Variants in SORBS2 observed in about 807,000 individuals in gnomAD.
The protein encoded by SORBS2 is sorbin and SH3 domain containing 2.
Under a neutral mutation model 97.7 loss-of-function variants are expected in SORBS2, and 46 were observed. That is an observed-to-expected ratio of 0.47 (90% CI 0.37 to 0.60). SORBS2 has a LOEUF of 0.60. SORBS2 is among the 20% of genes least tolerant of loss of function. SORBS2 has a pLI of 0.00. For synonymous variants in SORBS2, 476 were observed against 473.4 expected, an observed-to-expected ratio of 1.01 and a Z score of -0.07; for missense variants, 1,316 against 1,282.3, an observed-to-expected ratio of 1.03 and a Z score of -0.40.
chr4:185,759,024 G>C (rs2098847426), intron 2 of SORBS2, among the ~76,000 whole-genome samples: 1 of 152,170 alleles, frequency 6.6e-6, no homozygotes, highest in South Asian at 2.1e-4. Flanking sequence ...AAGCTCTGTG[G>C]GGGCAGGGAT....
chr4:185,841,070 A>T (rs1276203680), intron 1 of SORBS2, among the ~76,000 whole-genome samples: 1 of 152,238 alleles, frequency 6.6e-6, no homozygotes, highest in African/African-American at 2.4e-5. Flanking sequence ...GAAGCAAAGC[A>T]AAGAGGTCAA....
At chr4:185,942,501 C>T (rs2099272554) in intron 1 of SORBS2, among the ~76,000 whole-genome samples, 4 of 152,022 alleles carry the variant, frequency 2.6e-5, no homozygotes, top group Admixed American at 2.0e-4. Flanking sequence ...CAGGTGCCCA[C>T]CACCATGCCC....
intron 13 of SORBS2, among the ~76,000 whole-genome samples, chr4:185,592,399 G>A (rs1580437602): frequency 6.6e-6 from 1 of 152,116 alleles, no homozygotes; most frequent in East Asian, 1.9e-4. Context: ...CACTTTGAAA[G>A]CTGTTTAATA....
At chr4:185,946,391 A>G (rs999301367) in intron 1 of SORBS2, among the ~76,000 whole-genome samples, 3 of 152,312 alleles carry the variant, frequency 2.0e-5, no homozygotes, top group African/African-American at 7.2e-5. Flanking sequence ...AGAAACAGGG[A>G]TGGGTTGGAA....
At chr4:185,877,176 G>A (rs917225624) in intron 1 of SORBS2, among the ~76,000 whole-genome samples, 6 of 151,988 alleles carry the variant, frequency 3.9e-5, no homozygotes, top group Admixed American at 1.3e-4. Flanking sequence ...TAATAATGTC[G>A]TATATTAATA....
chr4:185,880,132 T>C (rs1277152636), intron 1 of SORBS2, among the ~76,000 whole-genome samples: 2 of 152,234 alleles, frequency 1.3e-5, no homozygotes, highest in Non-Finnish European at 1.5e-5. Context: ...CTCCCAGGGC[T>C]TTCCCCTGTG....
chr4:185,783,565 C>CA (rs1285839964), intron 1 of SORBS2, among the ~76,000 whole-genome samples: 2 of 152,030 alleles, frequency 1.3e-5, no homozygotes, highest in Non-Finnish European at 2.9e-5. Flanking sequence ...ATCCATTAAA[C>CA]AAAAAGGTAT....
At chr4:185,855,389 T>G (rs1466310528) in intron 1 of SORBS2, among the ~76,000 whole-genome samples, 1 of 152,160 alleles carries the variant, frequency 6.6e-6, no homozygotes, top group Non-Finnish European at 1.5e-5. Context: ...GTATCAATGT[T>G]TATGAGTGTA....
chr4:185,920,067 T>A (rs1184761385), intron 1 of SORBS2, among the ~76,000 whole-genome samples: 2 of 152,236 alleles, frequency 1.3e-5, no homozygotes, highest in Non-Finnish European at 2.9e-5. Context: ...GACAAAAAAA[T>A]TATTCTAAGA....
intron 1 of SORBS2, among the ~76,000 whole-genome samples, chr4:185,947,056 G>A (rs1170129259): frequency 2.6e-5 from 4 of 152,142 alleles, no homozygotes; most frequent in African/African-American, 7.2e-5. Flanking sequence ...GGTAAAATCG[G>A]ATCAAGGAAA....
chr4:185,904,773 G>A (rs1019577255), intron 1 of SORBS2, among the ~76,000 whole-genome samples: 7 of 152,148 alleles, frequency 4.6e-5, no homozygotes, highest in South Asian at 2.1e-4. Context: ...GACATCAAAC[G>A]AGACTGAACC....
At chr4:185,868,552 C>T (rs994166322) in intron 1 of SORBS2, among the ~76,000 whole-genome samples, 10 of 152,078 alleles carry the variant, frequency 6.6e-5, no homozygotes, top group African/African-American at 1.9e-4. Flanking sequence ...AAAACGAAGA[C>T]GACACAGACA....
intron 4 of SORBS2, among the ~76,000 whole-genome samples, chr4:185,636,553 A>T (rs994196094): frequency 6.6e-6 from 1 of 152,246 alleles, no homozygotes; most frequent in Non-Finnish European, 1.5e-5. Flanking sequence ...TCTAAAACGC[A>T]TAAAAACGTG....
chr4:185,813,804 A>C (rs13122585), intron 1 of SORBS2, among the ~76,000 whole-genome samples: 150,486 of 152,264 alleles, frequency 0.99, 74,387 homozygotes, highest in Middle Eastern at 1. Context: ...CTCTTCTGCG[A>C]CTCCCCTGTA....
intron 1 of SORBS2, among the ~76,000 whole-genome samples, chr4:185,912,585 CAAAAAAAAAA>C (rs60906233): frequency 6.2e-5 from 4 of 64,372 alleles, no homozygotes; most frequent in African/African-American, 1.9e-4. Flanking sequence ...AACTCCATCT[CAAAAAAAAAA>C]AAAAAAAAAA....
chr4:185,944,063 A>G (rs2099273374), intron 1 of SORBS2, among the ~76,000 whole-genome samples: 1 of 152,234 alleles, frequency 6.6e-6, no homozygotes, highest in South Asian at 2.1e-4. Flanking sequence ...GCTATGTCCT[A>G]CTTACATTTG....
chr4:185,690,650 G>T, intron 2 of SORBS2, 39 bp from the exon 4 acceptor site: 1 of 870,480 alleles, frequency 1.1e-6, no homozygotes. Flanking sequence ...TCACTAGCAT[G>T]TGGAAGAAAA....
intron 2 of SORBS2, among the ~76,000 whole-genome samples, chr4:185,714,589 G>A (rs2098449940): frequency 6.6e-6 from 1 of 152,114 alleles, no homozygotes; most frequent in Non-Finnish European, 1.5e-5. Context: ...CTGAGACTGG[G>A]TAATTTATAA....
At chr4:185,757,585 C>CA (rs1365187007) in intron 2 of SORBS2, among the ~76,000 whole-genome samples, 2 of 152,216 alleles carry the variant, frequency 1.3e-5, no homozygotes, top group East Asian at 1.9e-4. Context: ...TTTATACCAA[C>CA]ATCACAATTC....
Sources: allele counts gnomAD v4.1 joint callset (sites outside exome capture counted in the v4.1 genomes callset), GRCh38; gene constraint gnomAD v4.1.1; transcripts MANE v1.5; gene names NCBI Gene and HGNC (gene_info 2026-07-23, HGNC 2026-07-21).